ABI3BP: variants seen among roughly 807,000 people sequenced by gnomAD.
ABI3BP encodes the protein ABI family member 3 binding protein, also known as target of Nesh-SH3.
ABI3BP carries 216 observed loss-of-function variants against 268.6 expected under a neutral mutation model. That is an observed-to-expected ratio of 0.80 (90% CI 0.72 to 0.90). The LOEUF is 0.90. Among genes scored for constraint, ABI3BP ranks in the 40% least tolerant of loss-of-function variants. The probability of loss-of-function intolerance (pLI) is 0.00; values close to 1 mark genes in which losing one functional copy is unlikely to be tolerated. For synonymous variants in ABI3BP, 730 were observed against 730.0 expected, an observed-to-expected ratio of 1.00 and a Z score of 0.00; for missense variants, 2,090 against 2,182.4, an observed-to-expected ratio of 0.96 and a Z score of 0.84.
chr3:100,854,383 G>A (rs777875234), intron 14 of ABI3BP, among the ~76,000 whole-genome samples: 6 of 151,994 alleles, frequency 3.9e-5, no homozygotes, highest in East Asian at 1.9e-4. Context: ...AAGAGATGTC[G>A]GGGGAGAGGA....
chr3:100,968,764 C>T (rs182012620), intron 1 of ABI3BP, among the ~76,000 whole-genome samples: 2 of 152,142 alleles, frequency 1.3e-5, no homozygotes, highest in Non-Finnish European at 2.9e-5. Context: ...TAGGTATACA[C>T]GTGCTATGGT....
intron 1 of ABI3BP, among the ~76,000 whole-genome samples, chr3:100,950,299 T>C (rs1398236254): frequency 6.6e-6 from 1 of 152,198 alleles, no homozygotes; most frequent in Admixed American, 6.5e-5. Flanking sequence ...ATGGAAAATA[T>C]TATGCTTGAT....
intron 1 of ABI3BP, among the ~76,000 whole-genome samples, chr3:100,977,993 C>G (rs1051897529): frequency 6.6e-6 from 1 of 152,142 alleles, no homozygotes; most frequent in African/African-American, 2.4e-5. Flanking sequence ...TAAAAGGCAT[C>G]TGTCTAGACA....
At chr3:100,851,851 A>G (rs1209119803) in intron 15 of ABI3BP, 24 bp downstream of exon 15, 6 of 1,563,376 alleles carry the variant, frequency 3.8e-6, no homozygotes, top group Non-Finnish European at 5.2e-6. Context: ...GGATCCAAAG[A>G]CAGAATTGAG....
At chr3:100,777,311 A>T (rs1276513638) in intron 59 of ABI3BP, among the ~76,000 whole-genome samples, 1 of 152,226 alleles carries the variant, frequency 6.6e-6, no homozygotes, top group Admixed American at 6.5e-5. Flanking sequence ...GATGGGGAAC[A>T]TGCTGAAATT....
chr3:100,980,376 A>G (rs1229263375), intron 1 of ABI3BP, among the ~76,000 whole-genome samples: 1 of 152,174 alleles, frequency 6.6e-6, no homozygotes, highest in Non-Finnish European at 1.5e-5. Flanking sequence ...TTTGTATCAC[A>G]AGATGAACCA....
intron 63 of ABI3BP, among the ~76,000 whole-genome samples, chr3:100,763,611 G>A (rs2096103676): frequency 1.3e-5 from 2 of 152,126 alleles, no homozygotes; most frequent in Admixed American, 1.3e-4. Flanking sequence ...TAATGAGGGT[G>A]GGATAAAGAG....
intron 1 of ABI3BP, among the ~76,000 whole-genome samples, chr3:100,958,342 T>C (rs2077561869): frequency 6.6e-6 from 1 of 152,226 alleles, no homozygotes; most frequent in East Asian, 1.9e-4. Context: ...TGAACAAGTA[T>C]TTCCTTTGCT....
At chr3:100,835,990 C>G (rs939868454) in intron 27 of ABI3BP, among the ~76,000 whole-genome samples, 14 of 152,038 alleles carry the variant, frequency 9.2e-5, no homozygotes, top group Admixed American at 4.6e-4. Flanking sequence ...ATAAAAGCTT[C>G]TGTTGGTATT....
Position 100,911,325 on chromosome 3 carries a change from T to C in ABI3BP, c.260-8639A>G, listed in dbSNP as rs985646612. ...CACACGAATGAAGAAATTCAGAATC[T>C]GGATAAAAGGTCCATAATGCTTGAC... On this transcript the variant is annotated intron_variant, in intron 2 of 67. Transcript: ENST00000471714. 2.5e-5 allele frequency: 7 copies of C among 279,334 alleles called. No homozygotes were observed. In the Admixed American group the frequency reaches 2.7e-4, roughly 11 times the overall value. 17.3% of individuals were successfully genotyped at this position (279,334 alleles called of 1,614,324 possible).
At chr3:100,802,000 A>T (rs17396674) in intron 51 of ABI3BP, among the ~76,000 whole-genome samples, 21,068 of 152,292 alleles carry the variant, frequency 0.14, 1,896 homozygotes, top group South Asian at 0.27. Flanking sequence ...CTCCCTAATA[A>T]AAATCTGGCA....
chr3:100,831,279 GGAGGGAAAGA>G (rs2098487937), intron 31 of ABI3BP, among the ~76,000 whole-genome samples: 1 of 152,026 alleles, frequency 6.6e-6, no homozygotes, highest in Non-Finnish European at 1.5e-5. Context: ...AGAGAGACAG[GGAGGGAAAGA>G]GAGAGGATGA....
intron 39 of ABI3BP, among the ~76,000 whole-genome samples, 177 bp downstream of exon 39, chr3:100,820,877 A>T (rs1187424477): frequency 6.6e-6 from 1 of 152,208 alleles, no homozygotes; most frequent in Non-Finnish European, 1.5e-5. Flanking sequence ...TCTTTTAAAA[A>T]CAAAGGGTGA....
chr3:100,878,879 C>T (rs1463327674), intron 6 of ABI3BP, among the ~76,000 whole-genome samples: 1 of 152,102 alleles, frequency 6.6e-6, no homozygotes, highest in Admixed American at 6.5e-5. Flanking sequence ...TTATTTTTTG[C>T]TATTTTTAAA....
chr3:100,856,657 C>T (rs529946449), intron 14 of ABI3BP, among the ~76,000 whole-genome samples: 8 of 152,218 alleles, frequency 5.3e-5, no homozygotes, highest in African/African-American at 1.9e-4. Flanking sequence ...TCTTTATTTG[C>T]TTTTGAAACT....
intron 50 of ABI3BP, 39 bp from the exon 51 acceptor site, chr3:100,804,905 A>G (rs2097658086): frequency 1.3e-6 from 2 of 1,523,558 alleles, no homozygotes; most frequent in Non-Finnish European, 1.8e-6. Context: ...ATTTGGTTTC[A>G]GCATCTTCCA....
intron 66 of ABI3BP, among the ~76,000 whole-genome samples, chr3:100,751,979 C>T (rs1209138362): frequency 6.6e-6 from 1 of 152,196 alleles, no homozygotes; most frequent in Non-Finnish European, 1.5e-5. Flanking sequence ...TTCACACCTG[C>T]CTGCCCCTCC....
intron 2 of ABI3BP, among the ~76,000 whole-genome samples, chr3:100,906,987 TAGGTA>T (rs1462533056): frequency 3.3e-5 from 5 of 152,124 alleles, no homozygotes; most frequent in Non-Finnish European, 7.4e-5. Context: ...TAAAAGAAAT[TAGGTA>T]AGGGGGCCTG....
In ABI3BP at chr3:100,749,962, T is replaced by C. The variant is rs993175449; in HGVS notation, c.*533A>G. ...CTCCGCAAAGCTATTCAGCTGTTGC[T>C]AAAAAATTGAAGTTTAAATATAAAA... On this transcript the variant is annotated 3_prime_UTR_variant, in exon 68 of 68. Transcript: ENST00000471714. 1 of 361,746 alleles carries C rather than the reference T, an allele frequency of 2.8e-6. No homozygotes were observed. Among genetic ancestry groups the C allele is most frequent in the African/African-American group, 2.8e-5 (1 of 36,232 alleles). The allele number at this position is 361,746 out of a possible 1,614,324, so 22.4% of individuals were successfully genotyped here. A position where few individuals can be genotyped will look rare whatever the true frequency, so the allele number is the denominator to read the frequency against.
Sources: allele counts gnomAD v4.1 joint callset (sites outside exome capture counted in the v4.1 genomes callset), GRCh38; gene constraint gnomAD v4.1.1; transcripts MANE v1.5; gene names NCBI Gene and HGNC (gene_info 2026-07-23, HGNC 2026-07-21).